Variants in FGFR1OP2 observed in about 807,000 individuals in gnomAD.
The protein encoded by FGFR1OP2 is FGFR1 oncogene partner 2.
Under a neutral mutation model 35.2 loss-of-function variants are expected in FGFR1OP2, and 17 were observed. That is an observed-to-expected ratio of 0.48 (90% confidence interval 0.33 to 0.73). The LOEUF is 0.73. FGFR1OP2 is among the 30% of genes least tolerant of loss of function. The pLI is 0.02. For synonymous variants in FGFR1OP2, 105 were observed against 104.6 expected (o/e 1.00, Z -0.03); for missense variants, 251 against 307.3 (o/e 0.82, Z 1.37).
At chr12:26,956,193 C>G (rs1452293069) in intron 2 of FGFR1OP2, among the ~76,000 whole-genome samples, 1 of 152,064 alleles carries the variant, frequency 6.6e-6, no homozygotes, top group East Asian at 1.9e-4. Context: ...TCTTCACATC[C>G]TCTCCAACAA....
intron 4 of FGFR1OP2, among the ~76,000 whole-genome samples, chr12:26,959,832 G>C (rs1015938024): frequency 3.3e-5 from 5 of 152,120 alleles, no homozygotes; most frequent in African/African-American, 1.2e-4. Context: ...TACTGGCACT[G>C]GGTTAGTTAT....
intron 1 of FGFR1OP2, among the ~76,000 whole-genome samples, chr12:26,939,854 G>C (rs753239107): frequency 5.9e-5 from 9 of 152,128 alleles, no homozygotes; most frequent in Non-Finnish European, 1.5e-5. Flanking sequence ...ATAGTTCTAA[G>C]GAATTCACCG....
chr12:26,964,740 T>C lies in FGFR1OP2; in HGVS notation c.*7T>C. 3.7e-6 allele frequency: 6 copies of C among 1,607,968 alleles called. No individual in the cohort carries two copies. The highest frequency in any genetic ancestry group is 5.1e-6 in the Non-Finnish European group (6 of 1,176,950). ...GAGTCTGAGGAAGAGCTGAAGAGTTTCTGAGTCTGTGAGCTTCTTACATGG... is the reference window on the plus strand; with the variant it reads ...GAGTCTGAGGAAGAGCTGAAGAGTTCCTGAGTCTGTGAGCTTCTTACATGG... On this transcript the variant is annotated 3_prime_UTR_variant, in exon 7 of 7. Transcript: ENST00000229395.
intron 1 of FGFR1OP2, among the ~76,000 whole-genome samples, chr12:26,949,735 C>A (rs977512143): frequency 6.6e-6 from 1 of 151,932 alleles, no homozygotes; most frequent in African/African-American, 2.4e-5. Flanking sequence ...CATGCCACCA[C>A]ACCCAGCTAA....
At chr12:26,959,746 ACTAATACATATTAAT>A (rs1397491665) in intron 4 of FGFR1OP2, among the ~76,000 whole-genome samples, 1 of 152,120 alleles carries the variant, frequency 6.6e-6, no homozygotes, top group Non-Finnish European at 1.5e-5. Context: ...ATTAATTTTC[ACTAATACATATTAAT>A]GTTTGTGATT....
At chr12:26,950,472 C>T (rs61923401) in intron 1 of FGFR1OP2, among the ~76,000 whole-genome samples, 11,054 of 151,686 alleles carry the variant, frequency 0.073, 492 homozygotes, top group Non-Finnish European at 0.1. Context: ...GTGATCCACC[C>T]GCCTCGGCCT....
chr12:26,956,190 A>G (rs1427558043), intron 2 of FGFR1OP2, among the ~76,000 whole-genome samples: 1 of 152,114 alleles, frequency 6.6e-6, no homozygotes, highest in African/African-American at 2.4e-5. Context: ...GTTTCTTCAC[A>G]TCCTCTCCAA....
intron 6 of FGFR1OP2, among the ~76,000 whole-genome samples, chr12:26,964,093 C>T (rs990160539): frequency 2.0e-5 from 3 of 152,128 alleles, no homozygotes; most frequent in African/African-American, 4.8e-5. Context: ...AAGTTATTTA[C>T]CAGTGCCAGA....
At chr12:26,955,293 T>C (rs1565850133) in intron 2 of FGFR1OP2, among the ~76,000 whole-genome samples, 1 of 152,262 alleles carries the variant, frequency 6.6e-6, no homozygotes, top group East Asian at 1.9e-4. Flanking sequence ...ATTTTCTTAA[T>C]GGAAAATCTT....
intron 1 of FGFR1OP2, among the ~76,000 whole-genome samples, chr12:26,953,231 TCCAG>T (rs1171827111): frequency 1.2e-4 from 14 of 121,620 alleles, no homozygotes; most frequent in Admixed American, 3.3e-4. Flanking sequence ...GCCGCTGCAC[TCCAG>T]CCAGCCTGGG....
chr12:26,963,997 A>C (rs147138121), intron 6 of FGFR1OP2, among the ~76,000 whole-genome samples: 34 of 152,278 alleles, frequency 2.2e-4, no homozygotes, highest in African/African-American at 7.2e-4. Context: ...CTGAAGATAA[A>C]GTGATAGAGA....
rs1938984119 is a variant in FGFR1OP2, at chr12:26,954,233, A to G, written c.75A>G (p.Ala25=). The G allele has an allele frequency of 1.9e-6, 3 of 1,612,826 alleles. No individual in the cohort carries two copies. Among genetic ancestry groups the G allele is most frequent in the African/African-American group, 1.3e-5 (1 of 75,052 alleles). ...AAAGATTAAGAGATCATGACGATGCAGCAGAATCTCTGATTGAGCAAACCA... is the reference window on the plus strand; with the variant it reads ...AAAGATTAAGAGATCATGACGATGCGGCAGAATCTCTGATTGAGCAAACCA... The part of the protein sequence containing the change: ...LVERLRDHDD[A]AESLIEQTTA... Residue 25 remains alanine (A), a synonymous_variant, in exon 2 of 7, where the codon GCA becomes GCG. Transcript: ENST00000229395.
intron 1 of FGFR1OP2, among the ~76,000 whole-genome samples, chr12:26,943,084 T>C (rs1938762429): frequency 6.6e-6 from 1 of 152,254 alleles, no homozygotes; most frequent in Admixed American, 6.5e-5. Context: ...TTTAATTTTA[T>C]ATTTAGACTT....
rs113949938 is a variant in FGFR1OP2 at position 26,939,139 on chromosome 12, A to G, written c.-15+429A>G. 1.7e-3 allele frequency among the ~76,000 whole-genome samples: 252 copies of G among 152,050 alleles called. 2 individuals carry two copies. Among genetic ancestry groups the G allele is most frequent in the African/African-American group, 5.6e-3 (233 of 41,452 alleles). ...TCTTCCTGCCTTTCTTCTCTATCCC[A>G]TCTCTGATAATGGTTCCAGTATCTG... On this transcript the variant is annotated intron_variant, in intron 1 of 6. Transcript: ENST00000229395.
Position 26,956,533 on chromosome 12 carries a change from C to G in FGFR1OP2, c.136-10C>G. Reference sequence around the variant, plus strand: ...GTATTTTCATCCCACATGTTTTTCTCCCCCATTAGTATCAGGAAGAAATTC... The same window carrying G: ...GTATTTTCATCCCACATGTTTTTCTGCCCCATTAGTATCAGGAAGAAATTC... On this transcript the variant is annotated splice_polypyrimidine_tract_variant and intron_variant, in intron 2 of 6. Transcript: ENST00000229395. 1 of 1,412,044 alleles carries G rather than the reference C, an allele frequency of 7.1e-7. No homozygotes were observed. 87.5% of individuals were successfully genotyped at this position (1,412,044 alleles called of 1,614,324 possible). A position where few individuals can be genotyped will look rare whatever the true frequency, so the allele number is the denominator to read the frequency against.
intron 6 of FGFR1OP2, 96 bp from the exon 7 acceptor site, chr12:26,964,500 A>G: frequency 9.6e-6 from 13 of 1,358,536 alleles, no homozygotes; most frequent in Non-Finnish European, 1.3e-5. Context: ...CTTGTTTGTT[A>G]TACCTTCATA....
At chr12:26,959,697 A>ATCCT (rs1257041974) in intron 4 of FGFR1OP2, among the ~76,000 whole-genome samples, 1 of 152,152 alleles carries the variant, frequency 6.6e-6, no homozygotes. Context: ...AGTTCAGATG[A>ATCCT]TCCTTGCCTC....
At chr12:26,959,129 T>G (rs1415426256) in intron 4 of FGFR1OP2, among the ~76,000 whole-genome samples, 1 of 152,068 alleles carries the variant, frequency 6.6e-6, no homozygotes, top group East Asian at 1.9e-4. Flanking sequence ...TTTATTATAT[T>G]AGAAAACCTA....
chr12:26,960,669 AG>A lies in FGFR1OP2; in HGVS notation c.510+47del, dbSNP rs764522185. Reference sequence around the variant, plus strand: ...AGTCAACTTTTGGGGTGTGGATGGAAGGGGGGTCCATTTTAAAAGTGCTTTT... The same window carrying A: ...AGTCAACTTTTGGGGTGTGGATGGAAGGGGGTCCATTTTAAAAGTGCTTTT... On this transcript the variant is annotated intron_variant, in intron 5 of 6. Coordinates refer to ENST00000229395, the MANE Select transcript of FGFR1OP2 (RefSeq NM_015633.3). 3.2e-6 allele frequency: 5 copies of A among 1,570,836 alleles called. No homozygotes were observed. The African/African-American group carries it at 6.7e-5, about 21-fold the overall frequency.
Sources: allele counts gnomAD v4.1 joint callset (sites outside exome capture counted in the v4.1 genomes callset), GRCh38; gene constraint gnomAD v4.1.1; transcripts MANE v1.5; gene names NCBI Gene and HGNC (gene_info 2026-07-23, HGNC 2026-07-21).